The following NOD1 variants were observed in gnomAD, a reference collection of about 807,000 sequenced individuals.
The protein encoded by NOD1 is nucleotide-binding oligomerization domain-containing protein 1.
A neutral mutation model predicts 81.2 loss-of-function variants in NOD1; 70 were observed. The observed-to-expected ratio is 0.86, with a 90% CI of 0.71 to 1.05. The LOEUF is 1.05. Among genes scored for constraint, NOD1 ranks in the 50% least tolerant of loss-of-function variants. NOD1 has a pLI of 0.00. For synonymous variants in NOD1, 508 were observed against 526.9 expected (o/e 0.96, Z 0.49); for missense variants, 1,233 against 1,228.0 (o/e 1.00, Z -0.06).
rs554404418 is a variant in NOD1 at position 30,461,272 on chromosome 7, G to C, written c.-351-1231C>G. ...GGCTCACTGCAGCCTCCGCCTCCCAGGTTCAAGCAATTCTCCTGCCTCCGC... is the reference window on the plus strand; with the variant it reads ...GGCTCACTGCAGCCTCCGCCTCCCACGTTCAAGCAATTCTCCTGCCTCCGC... On this transcript the variant is annotated intron_variant, in intron 1 of 13. Transcript: ENST00000222823. 3.3e-5 allele frequency among the ~76,000 whole-genome samples: 5 copies of C among 152,258 alleles called. No homozygotes were observed. In the East Asian group the frequency reaches 9.7e-4, roughly 29 times the overall value.
At chr7:30,474,143 C>G (rs1159875106) in intron 1 of NOD1, among the ~76,000 whole-genome samples, 1 of 152,160 alleles carries the variant, frequency 6.6e-6, no homozygotes, top group Non-Finnish European at 1.5e-5. Flanking sequence ...AGCCAAGGCT[C>G]AAGAAGATTA....
At position 30,459,226 on chromosome 7, in the gene NOD1, A is replaced by G. The variant is rs78206797; in HGVS notation, c.-196T>C. On this transcript the variant is annotated 5_prime_UTR_variant, in exon 3 of 14. Coordinates refer to ENST00000222823, the MANE Select transcript of NOD1 (RefSeq NM_006092.4). ...ACATTGTTTAAATCTTCAATTTCCA[A>G]TTTATTTCTGGAATCTGCAAAATCA... is the stretch of plus-strand genomic sequence containing the variant. The G allele has an allele frequency of 0.013, 1,953 of 152,760 alleles. 28 individuals carry two copies. Among genetic ancestry groups the G allele is most frequent in the Non-Finnish European group, 0.022 (1,473 of 68,022 alleles). 9.5% of individuals were successfully genotyped at this position (152,760 alleles called of 1,614,324 possible).
Position 30,478,643 on chromosome 7 carries a change from G to A in NOD1, c.-389C>T, listed in dbSNP as rs1285285942. On this transcript the variant is annotated 5_prime_UTR_variant, in exon 1 of 14. Coordinates refer to ENST00000222823, the MANE Select transcript of NOD1 (RefSeq NM_006092.4). The surrounding 1 kb of genome is among the most constrained non-coding windows in gnomAD (Gnocchi z 4.1). The stretch of plus-strand genomic sequence containing the variant: ...TTTACAGACTTCGCAGCCGCTGAGA[G>A]CTAGAGAAGAGCCCGGAGAGCGCCA... The A allele has an allele frequency of 6.6e-6, 1 of 152,404 alleles. No individual in the cohort carries two copies. Among genetic ancestry groups the A allele is most frequent in the African/African-American group, 2.4e-5 (1 of 41,468 alleles). 9.4% of individuals were successfully genotyped at this position (152,404 alleles called of 1,614,324 possible). A position where few individuals can be genotyped will look rare whatever the true frequency, so the allele number is the denominator to read the frequency against.
intron 7 of NOD1, chr7:30,447,329 G>C (rs150126546): frequency 6.4e-6 from 3 of 469,982 alleles, no homozygotes; most frequent in Admixed American, 3.4e-5. Flanking sequence ...CCCCTTGCAG[G>C]GTGGTTATGA....
At position 30,425,360 on chromosome 7, in the gene NOD1, A is replaced by G; in HGVS notation, c.*278T>C. 2.5e-6 allele frequency: 1 copy of G among 392,272 alleles called. No homozygotes were observed. Among genetic ancestry groups the G allele is most frequent in the Non-Finnish European group, 4.6e-6 (1 of 216,294 alleles). The allele number at this position is 392,272 out of a possible 1,614,324, so 24.3% of individuals were successfully genotyped here. Reference sequence around the variant, plus strand: ...TTTATTCCTCTAGCTTCAGATAAAAATAATTATAATAGGCAATAAAGTCTC... The same window carrying G: ...TTTATTCCTCTAGCTTCAGATAAAAGTAATTATAATAGGCAATAAAGTCTC... On this transcript the variant is annotated 3_prime_UTR_variant, in exon 14 of 14. Coordinates refer to ENST00000222823, the MANE Select transcript of NOD1 (RefSeq NM_006092.4).
intron 3 of NOD1, among the ~76,000 whole-genome samples, chr7:30,458,220 A>T (rs982906451): frequency 4.6e-5 from 7 of 152,154 alleles, no homozygotes; most frequent in Admixed American, 1.3e-4. Flanking sequence ...AAAAATAATA[A>T]TTTTTTAAAA....
chr7:30,453,880 T>A (rs1786063344), intron 5 of NOD1, among the ~76,000 whole-genome samples: 1 of 152,254 alleles, frequency 6.6e-6, no homozygotes, highest in Non-Finnish European at 1.5e-5. Context: ...ACATTTCATA[T>A]AAACAGAATC....
intron 7 of NOD1, chr7:30,447,387 C>A: frequency 3.1e-6 from 1 of 319,518 alleles, no homozygotes; most frequent in Non-Finnish European, 6.0e-6. Context: ...TGCTCGGTGA[C>A]TGGCAGGTGA....
chr7:30,436,775 G>T (rs1784418182), intron 10 of NOD1, among the ~76,000 whole-genome samples: 1 of 152,122 alleles, frequency 6.6e-6, no homozygotes, highest in Admixed American at 6.5e-5. Context: ...GGCTGGTGTG[G>T]GACACATGCA....
intron 9 of NOD1, among the ~76,000 whole-genome samples, chr7:30,445,571 C>T (rs1480342934): frequency 6.6e-6 from 1 of 151,484 alleles, no homozygotes; most frequent in African/African-American, 2.4e-5. Context: ...CCAGCCTGGC[C>T]AACATGGTGA....
intron 12 of NOD1, among the ~76,000 whole-genome samples, chr7:30,430,364 C>T (rs1006511598): frequency 7.2e-5 from 11 of 152,206 alleles, no homozygotes; most frequent in Admixed American, 1.3e-4. Context: ...TGGGCAGCTA[C>T]GCTTCTAACC....
At chr7:30,435,599 A>G (rs1265182939) in intron 11 of NOD1, among the ~76,000 whole-genome samples, 2 of 152,078 alleles carry the variant, frequency 1.3e-5, no homozygotes, top group East Asian at 3.9e-4. Context: ...ATTGGGAGAC[A>G]CCTTTTCTGT....
At chr7:30,477,681 ATTTTTTTTTTTTT>A (rs35530986) in intron 1 of NOD1, among the ~76,000 whole-genome samples, 1 of 136,280 alleles carries the variant, frequency 7.3e-6, no homozygotes, top group Non-Finnish European at 1.6e-5. Flanking sequence ...CGCCCGGTTA[ATTTTTTTTTTTTT>A]TTTTTTTAGT....
chr7:30,472,461 T>C (rs746282493), intron 1 of NOD1, among the ~76,000 whole-genome samples: 4 of 152,278 alleles, frequency 2.6e-5, no homozygotes, highest in African/African-American at 4.8e-5. Context: ...TCCTGTCTCA[T>C]GACATGCTGT....
chr7:30,452,201 C>G lies in NOD1; in HGVS notation c.1216G>C (p.Ala406Pro). ...AGCTGTGGTGAGCCTTCAAAGGCAG[C>G]ACGGAAGTGCTGGAAGCACCGGAAG... is the stretch of plus-strand genomic sequence containing the variant. ...IIFRCFQHFR[A>P]AFEGSPQLPD... The change falls in exon 6 of 14, where the codon GCT becomes CCT. Residue 406 changes from alanine to proline, a missense_variant. Physicochemically the swap from Ala to Pro is conservative, Grantham distance 27. Transcript: ENST00000222823. 5 of 1,613,928 alleles carry G rather than the reference C, an allele frequency of 3.1e-6. No homozygotes were observed. The highest frequency in any genetic ancestry group is 4.2e-6 in the Non-Finnish European group (5 of 1,180,022).
Position 30,425,098 on chromosome 7 carries a change from G to A in NOD1, c.*540C>T, listed in dbSNP as rs913997298. ...CAAATCCCACACTGCACATACTCCG[G>A]TGTCTCCAGCTGTGAAGTGGGACCA... On this transcript the variant is annotated 3_prime_UTR_variant, in exon 14 of 14. Coordinates refer to ENST00000222823, the MANE Select transcript of NOD1 (RefSeq NM_006092.4). 6.5e-6 allele frequency: 1 copy of A among 154,052 alleles called. No individual in the cohort carries two copies. The highest frequency in any genetic ancestry group is 2.4e-5 in the African/African-American group (1 of 41,462). 9.5% of individuals were successfully genotyped at this position (154,052 alleles called of 1,614,324 possible).
At chr7:30,465,369 C>CACAG (rs1787585568) in intron 1 of NOD1, among the ~76,000 whole-genome samples, 2 of 143,424 alleles carry the variant, frequency 1.4e-5, no homozygotes, top group Non-Finnish European at 1.6e-5. Flanking sequence ...CCCCCATGAA[C>CACAG]ATAGCCTCAG....
chr7:30,463,398 AAAAC>A (rs144818812), intron 1 of NOD1, among the ~76,000 whole-genome samples: 33,032 of 152,048 alleles, frequency 0.22, 3,787 homozygotes, highest in East Asian at 0.36. Flanking sequence ...TCCCAAGACA[AAAAC>A]AAAAATGATG....
intron 13 of NOD1, 35 bp from the exon 14 acceptor site, chr7:30,425,745 A>G (rs372215326): frequency 2.0e-6 from 3 of 1,482,308 alleles, no homozygotes; most frequent in Non-Finnish European, 1.9e-6. Flanking sequence ...GTACACAGGT[A>G]AAATGTTAAG....
Sources: gnomAD v4.1 joint callset for allele counts (sites outside exome capture counted in the v4.1 genomes callset) on GRCh38, gnomAD v4.1.1 for gene constraint, Gnocchi (gnomAD v3.1) non-coding constraint, MANE v1.5 for transcripts, NCBI Gene and HGNC (gene_info 2026-07-23, HGNC 2026-07-21) for gene names.